Variants in REEP3 observed in about 807,000 individuals in gnomAD.
REEP3 encodes receptor accessory protein 3.
A neutral mutation model predicts 41.3 loss-of-function variants in REEP3; 20 were observed. The observed-to-expected ratio is 0.48, with a 90% CI of 0.34 to 0.70. The LOEUF (loss-of-function observed/expected upper bound fraction) is 0.70. Ranked by LOEUF, REEP3 falls within the 30% of genes least tolerant of loss-of-function variation. The pLI, the probability that REEP3 is intolerant of heterozygous loss-of-function variation, is 0.01. For synonymous variants in REEP3, 104 were observed against 101.8 expected (o/e 1.02, Z -0.13); for missense variants, 271 against 308.8 (o/e 0.88, Z 0.92).
intron 1 of REEP3, among the ~76,000 whole-genome samples, chr10:63,530,345 C>T (rs1352262745): frequency 1.3e-5 from 2 of 151,976 alleles, no homozygotes; most frequent in African/African-American, 4.8e-5. Flanking sequence ...TCTTTATTTA[C>T]CATTTTTTAT....
intron 2 of REEP3, among the ~76,000 whole-genome samples, chr10:63,591,040 A>G (rs1956057224): frequency 6.6e-6 from 1 of 151,742 alleles, no homozygotes; most frequent in Non-Finnish European, 1.5e-5. Flanking sequence ...TGGTATTAAT[A>G]CTACATTCTG....
chr10:63,606,267 C>CTTTCTTTCTTTTTCTTTT (rs1956225361), intron 5 of REEP3: 1 of 157,232 alleles, frequency 6.4e-6, no homozygotes, highest in South Asian at 2.0e-4. Context: ...TTTTCTTTTT[C>CTTTCTTTCTTTTTCTTTT]TTTCTTTCTT....
At chr10:63,569,029 G>A (rs887275035) in intron 2 of REEP3, among the ~76,000 whole-genome samples, 3 of 151,986 alleles carry the variant, frequency 2.0e-5, no homozygotes, top group Non-Finnish European at 4.4e-5. Context: ...TTTGCCTATT[G>A]TTTTCATTAT....
chr10:63,615,164 G>T (rs1462966659), intron 6 of REEP3, among the ~76,000 whole-genome samples: 4 of 152,094 alleles, frequency 2.6e-5, no homozygotes, highest in South Asian at 2.1e-4. Context: ...GTTTGGAAGG[G>T]TATTACTAAA....
Position 63,528,041 on chromosome 10 carries a change from G to A in REEP3, c.32+6464G>A, listed in dbSNP as rs143394284. Among the ~76,000 whole-genome samples the A allele has an allele frequency of 5.3e-5, 8 of 151,032 alleles. No homozygotes were observed. In the East Asian group the frequency reaches 7.8e-4, roughly 15 times the overall value. ...TCTCCATGTTCCTTGACTTCTTAAAGTTGTTAAAGTTGGCATGTCATGGGG... is the reference window on the plus strand; with the variant it reads ...TCTCCATGTTCCTTGACTTCTTAAAATTGTTAAAGTTGGCATGTCATGGGG... On this transcript the variant is annotated intron_variant, in intron 1 of 7. Coordinates refer to ENST00000373758, the MANE Select transcript of REEP3 (RefSeq NM_001001330.3).
chr10:63,595,798 G>A (rs1276767210), intron 3 of REEP3, among the ~76,000 whole-genome samples: 2 of 152,090 alleles, frequency 1.3e-5, no homozygotes, highest in Non-Finnish European at 2.9e-5. Flanking sequence ...GGCTGGTCTC[G>A]AACTCCCAAC....
At chr10:63,526,574 G>A (rs540785923) in intron 1 of REEP3, among the ~76,000 whole-genome samples, 19 of 151,990 alleles carry the variant, frequency 1.3e-4, no homozygotes, top group South Asian at 4.2e-4. Context: ...AGCCAGAATC[G>A]GAAGTTTTAA....
intron 1 of REEP3, among the ~76,000 whole-genome samples, chr10:63,540,307 TAAC>T (rs1207715414): frequency 2.6e-5 from 4 of 151,950 alleles, no homozygotes; most frequent in African/African-American, 9.7e-5. Context: ...AACAGCAAAA[TAAC>T]ATATTTGTGA....
At position 63,521,513 on chromosome 10, in the gene REEP3, C is replaced by A. The variant is rs1340096407; in HGVS notation, c.-33C>A. 3 of 1,399,798 alleles carry A rather than the reference C, an allele frequency of 2.1e-6. No individual in the cohort carries two copies. The South Asian group carries it at 4.7e-5, about 22-fold the overall frequency. 86.7% of individuals were successfully genotyped at this position (1,399,798 alleles called of 1,614,324 possible). On this transcript the variant is annotated 5_prime_UTR_variant, in exon 1 of 8. Coordinates refer to ENST00000373758, the MANE Select transcript of REEP3 (RefSeq NM_001001330.3). ...TGGTCCGCAGCGCCCTGCGCCCACC[C>A]GCCCCGGACGTGGGGCCCAAGCCCC...
intron 1 of REEP3, among the ~76,000 whole-genome samples, chr10:63,536,692 T>G (rs1366521442): frequency 2.0e-5 from 3 of 151,902 alleles, no homozygotes; most frequent in African/African-American, 7.3e-5. Context: ...AAAAGAAAAG[T>G]GGACAAATGA....
intron 2 of REEP3, among the ~76,000 whole-genome samples, chr10:63,584,504 T>C (rs1264531355): frequency 2.0e-5 from 3 of 152,128 alleles, no homozygotes; most frequent in Non-Finnish European, 4.4e-5. Flanking sequence ...AATAGCTTTT[T>C]TTCAACCATG....
intron 5 of REEP3, among the ~76,000 whole-genome samples, chr10:63,609,332 G>A (rs1956258159): frequency 6.6e-6 from 1 of 151,788 alleles, no homozygotes. Flanking sequence ...GGCGCCTGTA[G>A]TCCCAGCTAC....
At chr10:63,618,391 G>A (rs910888589) in intron 6 of REEP3, among the ~76,000 whole-genome samples, 3 of 151,558 alleles carry the variant, frequency 2.0e-5, no homozygotes, top group South Asian at 2.1e-4. Context: ...GACTACAGGC[G>A]CCTGCCTCCA....
chr10:63,580,640 G>GA (rs1955945009), intron 2 of REEP3, among the ~76,000 whole-genome samples: 1 of 151,814 alleles, frequency 6.6e-6, no homozygotes, highest in East Asian at 1.9e-4. Flanking sequence ...GAAAAGGACT[G>GA]AAAAAAATGA....
chr10:63,557,575 G>A (rs972890025), intron 1 of REEP3, among the ~76,000 whole-genome samples: 4 of 152,104 alleles, frequency 2.6e-5, no homozygotes, highest in Admixed American at 2.0e-4. Flanking sequence ...AGCTCTCCAG[G>A]TGATTTTGAC....
At chr10:63,584,888 A>AT (rs941389856) in intron 2 of REEP3, among the ~76,000 whole-genome samples, 12 of 150,234 alleles carry the variant, frequency 8.0e-5, no homozygotes, top group East Asian at 5.8e-4. Flanking sequence ...CTCAGCAGAG[A>AT]TTTTTTTTTT....
chr10:63,576,061 T>A lies in REEP3; in HGVS notation c.105+9651T>A, dbSNP rs1220400331. Among the ~76,000 whole-genome samples the A allele has an allele frequency of 3.3e-5, 5 of 152,320 alleles. 2 individuals are homozygous for A. The highest frequency in any genetic ancestry group is 3.3e-4 in the Admixed American group (5 of 15,292). The stretch of plus-strand genomic sequence containing the variant: ...CATTTTCTTCTTTCTACATAGTCTT[T>A]CGTTTGAATTCTGTTTTACATTTGT... On this transcript the variant is annotated intron_variant, in intron 2 of 7. Transcript: ENST00000373758.
chr10:63,602,619 G>T (rs1388579210), intron 5 of REEP3, among the ~76,000 whole-genome samples: 1 of 152,094 alleles, frequency 6.6e-6, no homozygotes, highest in African/African-American at 2.4e-5. Context: ...TTTAACATTT[G>T]TGTATAATAA....
At chr10:63,597,950 A>G in intron 3 of REEP3, 74 bp from the exon 4 acceptor site, 1 of 1,338,638 alleles carries the variant, frequency 7.5e-7, no homozygotes, top group Non-Finnish European at 1.0e-6. Flanking sequence ...TGAACTTTTT[A>G]AAAGGTGTTT....
Sources: gnomAD v4.1 joint callset for allele counts (sites outside exome capture counted in the v4.1 genomes callset) on GRCh38, gnomAD v4.1.1 for gene constraint, MANE v1.5 for transcripts, NCBI Gene and HGNC (gene_info 2026-07-23, HGNC 2026-07-21) for gene names.